The following ZIM2 variants were observed in gnomAD, a reference collection of about 807,000 sequenced individuals.
ZIM2 encodes zinc finger imprinted 2.
A neutral mutation model predicts 38.6 loss-of-function variants in ZIM2; 14 were observed. That is an observed-to-expected ratio of 0.36 (90% confidence interval 0.24 to 0.57). ZIM2 has a LOEUF of 0.57. ZIM2 is among the 20% of genes least tolerant of loss of function. ZIM2 has a pLI of 0.81. For synonymous variants in ZIM2, 247 were observed against 245.8 expected, an observed-to-expected ratio of 1.00 and a Z score of -0.04; for missense variants, 680 against 695.1, an observed-to-expected ratio of 0.98 and a Z score of 0.24.
chr19:56,814,177 G>A lies in ZIM2; in HGVS notation c.490+3569C>T. 1 of 1,614,070 alleles carries A rather than the reference G, an allele frequency of 6.2e-7. No individual in the cohort carries two copies. The highest frequency in any genetic ancestry group is 8.5e-7 in the Non-Finnish European group (1 of 1,180,034). Reference sequence around the variant, plus strand: ...TGCAGCCTCTCCATCTGGCCCTTCAGCCTCTCCGTTTGGCTCAGCAGCCTC... The same window carrying A: ...TGCAGCCTCTCCATCTGGCCCTTCAACCTCTCCGTTTGGCTCAGCAGCCTC... On this transcript the variant is annotated intron_variant, in intron 9 of 12. Transcript: ENST00000629319. This position sits in a 1 kb window ranked among gnomAD's most constrained non-coding sequence, Gnocchi z 5.8.
chr19:56,787,768 T>C (rs2046693874), intron 10 of ZIM2, among the ~76,000 whole-genome samples: 2 of 150,376 alleles, frequency 1.3e-5, no homozygotes, highest in Non-Finnish European at 3.0e-5. Flanking sequence ...ATTTCAGAAC[T>C]TGTTATTGGT....
chr19:56,816,026 T>C (rs2059946458), intron 9 of ZIM2: 3 of 1,593,942 alleles, frequency 1.9e-6, no homozygotes, highest in Non-Finnish European at 2.6e-6. Context: ...CTCTGAATGG[T>C]AGACTCTGCC....
chr19:56,801,822 G>A (rs2047538954), intron 9 of ZIM2, among the ~76,000 whole-genome samples: 1 of 152,154 alleles, frequency 6.6e-6, no homozygotes, highest in South Asian at 2.1e-4. Flanking sequence ...GGCCAATAAG[G>A]TGTCCAACAA....
chr19:56,814,547 C>T lies in ZIM2; in HGVS notation c.490+3199G>A. 2 of 1,613,750 alleles carry T rather than the reference C, an allele frequency of 1.2e-6. No homozygotes were observed. The highest frequency in any genetic ancestry group is 1.7e-6 in the Non-Finnish European group (2 of 1,179,814). On this transcript the variant is annotated intron_variant, in intron 9 of 12. Coordinates refer to ENST00000629319, the MANE Select transcript of ZIM2 (RefSeq NM_001387356.1). The surrounding 1 kb of genome is among the most constrained non-coding windows in gnomAD (Gnocchi z 5.8). ...TCATTCTTATGAACAGTTACGTGAT[C>T]TGCAAGTTCTGCTGGGTTGACGAAA...
chr19:56,827,523 CAT>C (rs989136081), intron 2 of ZIM2, among the ~76,000 whole-genome samples: 4 of 152,100 alleles, frequency 2.6e-5, no homozygotes, highest in Admixed American at 1.3e-4. Context: ...AGCCGGGCAA[CAT>C]ATGTTTGTAT....
chr19:56,812,170 A>G, intron 9 of ZIM2: 1 of 978,568 alleles, frequency 1.0e-6, no homozygotes, highest in South Asian at 4.7e-5. Context: ...CAAGGCCAAA[A>G]AAAATTTCTT....
rs886949360 is a variant in ZIM2, at chr19:56,822,755, C to T, written c.188G>A (p.Ser63Asn). Residue 63 changes from serine (S) to asparagine (N), a missense_variant and splice_region_variant, in exon 6 of 13, where the codon AGC (serine) becomes AAC (asparagine). Transcript: ENST00000629319. ...DRWSHTRNPR[S>N]RMPPRDLSLP... ...GAAAGAAAGTGGTTAAGACTCACTG[C>T]TTCTTGGGTTCCTGGTGTGGGACCA... 8 of 1,613,958 alleles carry T rather than the reference C, an allele frequency of 5.0e-6. No individual in the cohort carries two copies. The highest frequency in any genetic ancestry group is 6.8e-6 in the Non-Finnish European group (8 of 1,180,018).
chr19:56,834,323 G>A (rs915125590), intron 2 of ZIM2, among the ~76,000 whole-genome samples: 1 of 152,102 alleles, frequency 6.6e-6, no homozygotes, highest in African/African-American at 2.4e-5. Flanking sequence ...CCCTAAGCAA[G>A]GGTTTCACTG....
At chr19:56,830,606 A>C (rs1403164119) in intron 2 of ZIM2, among the ~76,000 whole-genome samples, 1 of 152,268 alleles carries the variant, frequency 6.6e-6, no homozygotes, top group Non-Finnish European at 1.5e-5. Context: ...CTGAAGAAAA[A>C]GAAAAGTATA....
Position 56,814,825 on chromosome 19 carries a change from A to G in ZIM2, c.490+2921T>C, listed in dbSNP as rs367548411. 66 of 1,614,080 alleles carry G rather than the reference A, an allele frequency of 4.1e-5. No individual in the cohort carries two copies. Among genetic ancestry groups the G allele is most frequent in the Non-Finnish European group, 5.3e-5 (63 of 1,180,044 alleles). On this transcript the variant is annotated intron_variant, in intron 9 of 12. Transcript: ENST00000629319. The surrounding 1 kb of genome is among the most constrained non-coding windows in gnomAD (Gnocchi z 5.8). ...TGCAGCACGATTCCTCCGTGGCTTC[A>G]TGGGCAAGAGGGCAATAAAACCATC...
At chr19:56,806,311 A>G (rs1009640897) in intron 9 of ZIM2, among the ~76,000 whole-genome samples, 1 of 152,252 alleles carries the variant, frequency 6.6e-6, no homozygotes, top group African/African-American at 2.4e-5. Context: ...ATCATCAGAC[A>G]TAAGCTCTTA....
At chr19:56,833,396 G>C (rs1439120819) in intron 2 of ZIM2, 1 of 344,072 alleles carries the variant, frequency 2.9e-6, no homozygotes, top group Admixed American at 4.1e-5. Flanking sequence ...CTCTCTTCTT[G>C]TTTGCTCCAT....
chr19:56,779,764 T>G (rs2046227279), intron 11 of ZIM2, among the ~76,000 whole-genome samples: 1 of 152,078 alleles, frequency 6.6e-6, no homozygotes, highest in South Asian at 2.1e-4. Context: ...TCTGGTTCCA[T>G]GTCAAGAGTG....
At chr19:56,826,032 C>T (rs1006955300) in intron 3 of ZIM2, among the ~76,000 whole-genome samples, 1 of 152,178 alleles carries the variant, frequency 6.6e-6, no homozygotes, top group Non-Finnish European at 1.5e-5. Context: ...AATGCAAATG[C>T]CTCGATCCTG....
intron 9 of ZIM2, among the ~76,000 whole-genome samples, chr19:56,807,916 C>T (rs1285033403): frequency 6.6e-6 from 1 of 152,140 alleles, no homozygotes; most frequent in Non-Finnish European, 1.5e-5. Context: ...TATTGTGTAG[C>T]TTAAAATAGT....
intron 12 of ZIM2, among the ~76,000 whole-genome samples, chr19:56,776,246 G>A (rs1363408545): frequency 6.6e-6 from 1 of 152,132 alleles, no homozygotes; most frequent in African/African-American, 2.4e-5. Flanking sequence ...AGAAAGAGCT[G>A]GGGTTGGGGT....
At chr19:56,827,416 T>A (rs1164665116) in intron 2 of ZIM2, among the ~76,000 whole-genome samples, 3 of 147,086 alleles carry the variant, frequency 2.0e-5, no homozygotes, top group Non-Finnish European at 4.5e-5. Context: ...AGAAAAACCT[T>A]AAAAAAAAAA....
Position 56,814,520 on chromosome 19 carries a change from G to A in ZIM2, c.490+3226C>T, listed in dbSNP as rs750244921. On this transcript the variant is annotated intron_variant, in intron 9 of 12. Coordinates refer to ENST00000629319, the MANE Select transcript of ZIM2 (RefSeq NM_001387356.1). The surrounding 1 kb of genome is among the most constrained non-coding windows in gnomAD (Gnocchi z 5.8). ...GTATAGGAGGACCCGTACTCATAGG[G>A]CTCATTCTTATGAACAGTTACGTGA... 2.5e-6 allele frequency: 4 copies of A among 1,613,944 alleles called. No individual in the cohort carries two copies. The highest frequency in any genetic ancestry group is 2.5e-6 in the Non-Finnish European group (3 of 1,179,888).
intron 9 of ZIM2, among the ~76,000 whole-genome samples, chr19:56,805,827 C>T (rs1194415184): frequency 6.6e-6 from 1 of 152,030 alleles, no homozygotes. Context: ...GGTCCTAGCC[C>T]TAGAAAGGAT....
Sources: allele counts gnomAD v4.1 joint callset (sites outside exome capture counted in the v4.1 genomes callset), GRCh38; gene constraint gnomAD v4.1.1; non-coding constraint Gnocchi (gnomAD v3.1); transcripts MANE v1.5; gene names NCBI Gene and HGNC (gene_info 2026-07-23, HGNC 2026-07-21).